MYO16: variants seen among roughly 807,000 people sequenced by gnomAD.
The protein encoded by MYO16 is myosin XVI, also known as unconventional myosin-XVI.
MYO16 carries 94 observed loss-of-function variants against 205.3 expected under a neutral mutation model. The observed-to-expected ratio is 0.46, with a 90% confidence interval of 0.39 to 0.54. MYO16 has a LOEUF of 0.54. Among genes scored for constraint, MYO16 ranks in the 20% least tolerant of loss-of-function variants. The probability of loss-of-function intolerance (pLI) is 0.00; values close to 1 mark genes in which losing one functional copy is unlikely to be tolerated. For missense variants in MYO16, 2,315 were observed against 2,387.5 expected, an observed-to-expected ratio of 0.97 and a Z score of 0.63; for synonymous variants, 988 against 954.0, an observed-to-expected ratio of 1.04 and a Z score of -0.66.
intron 4 of MYO16, among the ~76,000 whole-genome samples, chr13:108,760,950 T>C (rs151024658): frequency 3.9e-5 from 6 of 152,330 alleles, no homozygotes; most frequent in Middle Eastern, 3.4e-3. Context: ...ACCTAATAAT[T>C]TCACCTAATA....
intron 32 of MYO16, among the ~76,000 whole-genome samples, chr13:109,142,981 T>G (rs960049399): frequency 1.3e-5 from 2 of 152,090 alleles, no homozygotes; most frequent in East Asian, 3.8e-4. Context: ...CCTGGACAAC[T>G]TGTAGTCAAG....
chr13:108,936,124 CCTT>C, intron 16 of MYO16, among the ~76,000 whole-genome samples: 1 of 149,946 alleles, frequency 6.7e-6, no homozygotes, highest in South Asian at 2.1e-4. Flanking sequence ...TTCCTTCCTT[CCTT>C]CCTTCCTTCC....
intron 28 of MYO16, chr13:109,101,200 A>G (rs1042889644): frequency 4.3e-6 from 1 of 234,594 alleles, no homozygotes; most frequent in Non-Finnish European, 8.7e-6. Flanking sequence ...ATATTTACCC[A>G]TAGCAGGAGT....
chr13:108,631,746 A>C (rs1879989174), intron 1 of MYO16, among the ~76,000 whole-genome samples: 1 of 152,178 alleles, frequency 6.6e-6, no homozygotes, highest in African/African-American at 2.4e-5. Context: ...TTTTATGAAA[A>C]AAATGCATCT....
At chr13:108,842,497 C>A (rs1408867851) in intron 9 of MYO16, among the ~76,000 whole-genome samples, 2 of 151,958 alleles carry the variant, frequency 1.3e-5, no homozygotes, top group Non-Finnish European at 2.9e-5. Context: ...TTTTGTCCAA[C>A]AGGTATATGA....
chr13:108,957,708 A>G lies in MYO16; in HGVS notation c.1946A>G (p.Gln649Arg). ...AACAGGTATTTGAACCAGACCATAC[A>G]GGATGATGCATCCACAGGGGAGCGT... is the stretch of plus-strand genomic sequence containing the variant. ...CAHRYLNQTI[Q>R]DDASTGERSL... The change falls in exon 17 of 35, where the codon CAG becomes CGG. Residue 649 changes from glutamine (Q) to arginine (R), a missense_variant. By Grantham distance (43) the Gln-to-Arg change is conservative. Transcript: ENST00000457511. 1 of 1,613,034 alleles carries G rather than the reference A, an allele frequency of 6.2e-7. No homozygotes were observed. Among genetic ancestry groups the G allele is most frequent in the Non-Finnish European group, 8.5e-7 (1 of 1,179,088 alleles).
At chr13:109,148,984 T>C (rs530568306) in intron 32 of MYO16, among the ~76,000 whole-genome samples, 2 of 152,296 alleles carry the variant, frequency 1.3e-5, no homozygotes, top group East Asian at 3.9e-4. Flanking sequence ...CCATGCATTT[T>C]TGAGGAAGAA....
intron 3 of MYO16, among the ~76,000 whole-genome samples, chr13:108,725,474 A>T (rs1290731325): frequency 6.6e-6 from 1 of 152,106 alleles, no homozygotes; most frequent in African/African-American, 2.4e-5. Context: ...TGAATTTGAA[A>T]TTTTTTAGTT....
the MYO16 span, among the ~76,000 whole-genome samples, chr13:108,549,950 A>G: frequency 2.6e-5 from 4 of 152,272 alleles, no homozygotes; most frequent in African/African-American, 9.6e-5. Context: ...TGGCCCCTGC[A>G]TGGGCAAGAT....
chr13:109,046,875 T>C lies in MYO16; in HGVS notation c.2797-41T>C. ...TTAAAGGAATTTATTTTCACAGTCA[T>C]GTTGAATCATTAGTAATTATGCTGC... On this transcript the variant is annotated intron_variant, in intron 23 of 34. Transcript: ENST00000457511. The C allele has an allele frequency of 3.4e-6, 5 of 1,473,710 alleles. No individual in the cohort carries two copies. In the South Asian group the frequency reaches 5.7e-5, roughly 17 times the overall value. 91.3% of individuals were successfully genotyped at this position (1,473,710 alleles called of 1,614,324 possible). A position where few individuals can be genotyped will look rare whatever the true frequency, so the allele number is the denominator to read the frequency against.
chr13:108,939,716 C>G (rs369935218), intron 16 of MYO16, among the ~76,000 whole-genome samples: 3 of 152,258 alleles, frequency 2.0e-5, no homozygotes, highest in South Asian at 2.1e-4. Context: ...CCTAATGTCT[C>G]TAATTCAGAG....
intron 27 of MYO16, among the ~76,000 whole-genome samples, chr13:109,061,656 A>T (rs1887598524): frequency 1.3e-5 from 2 of 152,176 alleles, no homozygotes; most frequent in Admixed American, 6.5e-5. Flanking sequence ...TATAATAGTC[A>T]CAGCAATGAT....
At chr13:108,553,396 T>TTATATTTAC in the MYO16 span, among the ~76,000 whole-genome samples, 1 of 152,178 alleles carries the variant, frequency 6.6e-6, no homozygotes, top group Non-Finnish European at 1.5e-5. Flanking sequence ...ACAGGCTCTT[T>TTATATTTAC]TATATTTACC....
chr13:109,077,859 T>G (rs919310876), intron 27 of MYO16, among the ~76,000 whole-genome samples: 2 of 152,132 alleles, frequency 1.3e-5, no homozygotes, highest in African/African-American at 4.8e-5. Context: ...TTCAAATATT[T>G]TTTCTATTCT....
At chr13:108,762,527 A>T (rs1160852746) in intron 4 of MYO16, among the ~76,000 whole-genome samples, 1 of 152,164 alleles carries the variant, frequency 6.6e-6, no homozygotes, top group East Asian at 1.9e-4. Flanking sequence ...AGCCATTCTG[A>T]CAGGAGTAAG....
intron 4 of MYO16, among the ~76,000 whole-genome samples, chr13:108,742,954 A>G (rs1884954375): frequency 6.6e-6 from 1 of 152,194 alleles, no homozygotes; most frequent in African/African-American, 2.4e-5. Context: ...GATTTTAGAT[A>G]AAAGGTTTCC....
At chr13:109,147,686 G>A (rs1877410072) in intron 32 of MYO16, among the ~76,000 whole-genome samples, 1 of 152,036 alleles carries the variant, frequency 6.6e-6, no homozygotes, top group Non-Finnish European at 1.5e-5. Context: ...GTGGGGAGTT[G>A]GGGGTGGGAG....
Position 109,019,692 on chromosome 13 carries a change from A to G in MYO16, c.2596-19A>G. 2 of 1,595,502 alleles carry G rather than the reference A, an allele frequency of 1.3e-6. No homozygotes were observed. The highest frequency in any genetic ancestry group is 1.7e-6 in the Non-Finnish European group (2 of 1,165,108). On this transcript the variant is annotated intron_variant, in intron 22 of 34. Coordinates refer to ENST00000457511, the MANE Select transcript of MYO16 (RefSeq NM_001198950.3). Reference sequence around the variant, plus strand: ...TAAGTAATAGACAAAACAACTCCCCATCTCTTCTTAACTCTCAGAAGCCAT... The same window carrying G: ...TAAGTAATAGACAAAACAACTCCCCGTCTCTTCTTAACTCTCAGAAGCCAT...
At chr13:108,862,306 A>T (rs963332529) in intron 11 of MYO16, among the ~76,000 whole-genome samples, 3 of 152,142 alleles carry the variant, frequency 2.0e-5, no homozygotes, top group Non-Finnish European at 4.4e-5. Flanking sequence ...TTGCATCATG[A>T]TTTTGACTTG....
Sources: gnomAD v4.1 joint callset for allele counts (sites outside exome capture counted in the v4.1 genomes callset) on GRCh38, gnomAD v4.1.1 for gene constraint, MANE v1.5 for transcripts, NCBI Gene and HGNC (gene_info 2026-07-23, HGNC 2026-07-21) for gene names.